The following MYO6 variants were observed in gnomAD, a reference collection of about 807,000 sequenced individuals.
MYO6 encodes the protein unconventional myosin-VI.
In MYO6, 74 loss-of-function variants were observed where a neutral mutation model predicts 178.7. That is an observed-to-expected ratio of 0.41 (90% CI 0.34 to 0.50). The LOEUF is 0.50. Ranked by LOEUF, MYO6 falls within the 20% of genes least tolerant of loss-of-function variation. The pLI is 0.09. For synonymous variants in MYO6, 477 were observed against 504.6 expected (o/e 0.95, Z 0.73); for missense variants, 1,330 against 1,547.4 (o/e 0.86, Z 2.36).
chr6:75,846,854 T>C (rs1476565723), intron 10 of MYO6, among the ~76,000 whole-genome samples: 1 of 152,150 alleles, frequency 6.6e-6, no homozygotes, highest in African/African-American at 2.4e-5. Context: ...TGCCCTCTTA[T>C]TCTAGAGTCA....
At chr6:75,758,881 T>A (rs1249327530) in intron 1 of MYO6, among the ~76,000 whole-genome samples, 1 of 151,976 alleles carries the variant, frequency 6.6e-6, no homozygotes, top group Non-Finnish European at 1.5e-5. Flanking sequence ...GATCTTTTTT[T>A]TTTTTTGAGA....
chr6:75,861,573 G>A (rs1419310384), intron 15 of MYO6, among the ~76,000 whole-genome samples: 1 of 152,182 alleles, frequency 6.6e-6, no homozygotes, highest in East Asian at 1.9e-4. Flanking sequence ...CAAGAGAATA[G>A]AGGCTCTGCT....
At position 75,868,551 on chromosome 6, in the gene MYO6, A is replaced by G. The variant is rs72654788; in HGVS notation, c.1944+1446A>G. On this transcript the variant is annotated intron_variant, in intron 18 of 34. Coordinates refer to ENST00000369977, the MANE Select transcript of MYO6 (RefSeq NM_004999.4). ...GCCTTGAAACTTCTTATAATTGCTT[A>G]TATTTAATACAATGTATTTTTTTAC... 0.013 allele frequency among the ~76,000 whole-genome samples: 1,993 copies of G among 152,174 alleles called. 76 individuals carry two copies. The East Asian group carries it at 0.15, about 11-fold the overall frequency.
rs7746476 is a variant in MYO6, at chr6:75,919,295, A to G, written c.*4283A>G. ...AGCCTCCCACTTTCTGGAGTCTCCA[A>G]TGTCGGTTATTCCACTCTTTATGTC... On this transcript the variant is annotated 3_prime_UTR_variant, in exon 35 of 35. Transcript: ENST00000369977. The G allele has an allele frequency of 0.18, 26,783 of 152,016 alleles. 2,412 individuals are homozygous for G. Among genetic ancestry groups the G allele is most frequent in the East Asian group, 0.27 (1,379 of 5,144 alleles). 9.4% of individuals were successfully genotyped at this position (152,016 alleles called of 1,614,324 possible).
At chr6:75,790,622 G>A (rs889136193) in intron 1 of MYO6, among the ~76,000 whole-genome samples, 8 of 152,182 alleles carry the variant, frequency 5.3e-5, no homozygotes, top group East Asian at 3.9e-4. Flanking sequence ...CGAGTGATCC[G>A]CCTGCCTCGG....
At chr6:75,887,120 G>A in intron 25 of MYO6, 126 bp downstream of exon 25, 4 of 844,700 alleles carry the variant, frequency 4.7e-6, no homozygotes, top group Non-Finnish European at 5.6e-6. Flanking sequence ...GAGACTCAAT[G>A]ATGGCAAGTA....
At chr6:75,910,182 A>C (rs750370529) in intron 32 of MYO6, among the ~76,000 whole-genome samples, 7 of 152,210 alleles carry the variant, frequency 4.6e-5, no homozygotes, top group Admixed American at 1.3e-4. Flanking sequence ...CTGTCTGTGT[A>C]GTGAGTTCTG....
At chr6:75,787,720 C>A (rs547857569) in intron 1 of MYO6, among the ~76,000 whole-genome samples, 75 of 34,430 alleles carry the variant, frequency 2.2e-3, no homozygotes, top group Non-Finnish European at 2.4e-3. Context: ...CTCTCTCTCT[C>A]TCTCTCTCTC....
intron 1 of MYO6, among the ~76,000 whole-genome samples, chr6:75,774,896 C>A (rs537511952): frequency 6.6e-6 from 1 of 151,926 alleles, no homozygotes; most frequent in Non-Finnish European, 1.5e-5. Context: ...CAGGTTCAAG[C>A]GATTCTCCTG....
In MYO6 at chr6:75,805,021, A is replaced by ATTTTTT. The variant is rs58697772; in HGVS notation, c.-47-12465_-47-12460dup. ...CACACACATATATATATATATATAT[A>ATTTTTT]TTTTTTTTTTTTTTTTTTTTGAGAC... On this transcript the variant is annotated intron_variant, in intron 1 of 34. Coordinates refer to ENST00000369977, the MANE Select transcript of MYO6 (RefSeq NM_004999.4). Among the ~76,000 whole-genome samples, 81 of 77,290 alleles carry ATTTTTT rather than the reference A, an allele frequency of 1.0e-3. 3 individuals are homozygous for ATTTTTT. Among genetic ancestry groups the ATTTTTT allele is most frequent in the African/African-American group, 7.9e-3 (78 of 9,852 alleles). 50.7% of individuals were successfully genotyped at this position (77,290 alleles called of 152,430 possible). A position where few individuals can be genotyped will look rare whatever the true frequency, so the allele number is the denominator to read the frequency against.
chr6:75,779,398 C>T (rs2842545), intron 1 of MYO6, among the ~76,000 whole-genome samples: 1 of 151,936 alleles, frequency 6.6e-6, no homozygotes, highest in African/African-American at 2.4e-5. Context: ...ACTACTTGGG[C>T]GGCTGAGGCA....
At chr6:75,876,316 A>T (rs1040815436) in intron 20 of MYO6, among the ~76,000 whole-genome samples, 5 of 152,118 alleles carry the variant, frequency 3.3e-5, no homozygotes, top group Non-Finnish European at 7.4e-5. Context: ...TGAGGGTGGG[A>T]ACTGCATCTG....
chr6:75,765,002 C>CAA (rs957587029), intron 1 of MYO6, among the ~76,000 whole-genome samples: 1 of 114,256 alleles, frequency 8.8e-6, no homozygotes, highest in South Asian at 2.8e-4. Context: ...CCGTCTCAAA[C>CAA]AAAAAAAAAA....
chr6:75,881,924 C>G (rs754535428), intron 23 of MYO6, 106 bp downstream of exon 23: 43 of 1,288,130 alleles, frequency 3.3e-5, no homozygotes, highest in Non-Finnish European at 4.7e-5. Flanking sequence ...GAGACTGAGA[C>G]TTGTTCACAC....
chr6:75,811,802 A>T (rs1006657921), intron 1 of MYO6, among the ~76,000 whole-genome samples: 8 of 152,112 alleles, frequency 5.3e-5, no homozygotes, highest in Non-Finnish European at 1.2e-4. Flanking sequence ...AGGAAAAGAG[A>T]AAGGGGGAGG....
At chr6:75,758,634 T>G (rs1749216662) in intron 1 of MYO6, among the ~76,000 whole-genome samples, 2 of 151,918 alleles carry the variant, frequency 1.3e-5, no homozygotes, top group African/African-American at 2.4e-5. Flanking sequence ...CTAATTTTTC[T>G]TATTTAGTAG....
chr6:75,794,909 C>T (rs889945783), intron 1 of MYO6, among the ~76,000 whole-genome samples: 1 of 152,028 alleles, frequency 6.6e-6, no homozygotes, highest in Non-Finnish European at 1.5e-5. Context: ...AAGGCTTAAG[C>T]CTTCAATGCA....
At position 75,786,083 on chromosome 6, in the gene MYO6, A is replaced by G. The variant is rs962877536; in HGVS notation, c.-47-31418A>G. Among the ~76,000 whole-genome samples the G allele has an allele frequency of 2.0e-5, 3 of 151,084 alleles. No homozygotes were observed. The East Asian group carries it at 5.8e-4, about 29-fold the overall frequency. The stretch of plus-strand genomic sequence containing the variant: ...GGCACCTGCCACCACGCCCAGCTAA[A>G]TTTTTTTTGTGTGTGTGTTTTTTAG... On this transcript the variant is annotated intron_variant, in intron 1 of 34. Transcript: ENST00000369977.
chr6:75,821,642 C>CACAA lies in MYO6; in HGVS notation c.118-1137_118-1136insAACA, dbSNP rs771882097. ...GTAGCTTTACACACACACACACAAACACACACACACACACCCCTATAAATA... is the reference window on the plus strand; with the variant it reads ...GTAGCTTTACACACACACACACAAACACAAACACACACACACACCCCTATAAATA... On this transcript the variant is annotated intron_variant, in intron 2 of 34. Coordinates refer to ENST00000369977, the MANE Select transcript of MYO6 (RefSeq NM_004999.4). Among the ~76,000 whole-genome samples the CACAA allele has an allele frequency of 4.7e-3, 716 of 151,500 alleles. 6 individuals are homozygous for CACAA. The highest frequency in any genetic ancestry group is 0.044 in the South Asian group (208 of 4,722).
Sources: allele counts gnomAD v4.1 joint callset (sites outside exome capture counted in the v4.1 genomes callset), GRCh38; gene constraint gnomAD v4.1.1; transcripts MANE v1.5; gene names NCBI Gene and HGNC (gene_info 2026-07-23, HGNC 2026-07-21).